ZBTB20: variants seen among roughly 807,000 people sequenced by gnomAD.
The protein encoded by ZBTB20 is zinc finger and BTB domain-containing protein 20.
A neutral mutation model predicts 56.9 loss-of-function variants in ZBTB20; 9 were observed. The ratio of observed to expected loss-of-function variants is 0.16; its 90% CI spans 0.10 to 0.28. The LOEUF is 0.28. Ranked by LOEUF, ZBTB20 falls within the 10% of genes least tolerant of loss-of-function variation. The probability of loss-of-function intolerance (pLI) is 1.00; values close to 1 mark genes in which losing one functional copy is unlikely to be tolerated. For synonymous variants in ZBTB20, 417 were observed against 420.7 expected (o/e 0.99, Z 0.11); for missense variants, 655 against 1,003.0 (o/e 0.65, Z 4.69).
chr3:114,766,427 T>G (rs2068793800), intron 5 of ZBTB20, among the ~76,000 whole-genome samples: 1 of 151,938 alleles, frequency 6.6e-6, no homozygotes, highest in Admixed American at 6.6e-5. Flanking sequence ...CTTAAATGCT[T>G]TTGCATGAAT....
rs1408084643 is a variant in ZBTB20 at position 114,352,025 on chromosome 3, G to C, written c.200-147C>G. 1.2e-5 allele frequency: 12 copies of C among 1,024,812 alleles called. No individual in the cohort carries two copies. In the Admixed American group the frequency reaches 2.3e-4, roughly 19 times the overall value. 63.5% of individuals were successfully genotyped at this position (1,024,812 alleles called of 1,614,324 possible). On this transcript the variant is annotated intron_variant, in intron 10 of 11. Transcript: ENST00000675478. Reference sequence around the variant, plus strand: ...GCAAGTGGGGAGATGGACAGGCTGCGGCATACAAGCTGTAGGTACGATGAC... The same window carrying C: ...GCAAGTGGGGAGATGGACAGGCTGCCGCATACAAGCTGTAGGTACGATGAC...
chr3:114,831,419 C>G (rs1034511889), intron 4 of ZBTB20, among the ~76,000 whole-genome samples: 1 of 151,838 alleles, frequency 6.6e-6, no homozygotes, highest in African/African-American at 2.4e-5. Context: ...ATGAGGACAA[C>G]AGTACCTAGT....
At chr3:114,847,465 G>A (rs2074769009) in intron 4 of ZBTB20, among the ~76,000 whole-genome samples, 1 of 152,034 alleles carries the variant, frequency 6.6e-6, no homozygotes, top group Non-Finnish European at 1.5e-5. Flanking sequence ...GATGAAGAGG[G>A]TTTATAGGAA....
chr3:114,420,370 G>T (rs1262946497), intron 7 of ZBTB20, among the ~76,000 whole-genome samples: 1 of 152,124 alleles, frequency 6.6e-6, no homozygotes, highest in East Asian at 1.9e-4. Context: ...AATCAGTGTT[G>T]CATTTTAAAG....
intron 7 of ZBTB20, among the ~76,000 whole-genome samples, chr3:114,494,851 T>G (rs1389442522): frequency 6.6e-6 from 1 of 152,242 alleles, no homozygotes; most frequent in Admixed American, 6.5e-5. Flanking sequence ...TTTTGTCTTA[T>G]TTTTCAATAG....
chr3:114,341,410 T>C (rs1330418549), intron 11 of ZBTB20, among the ~76,000 whole-genome samples: 1 of 152,212 alleles, frequency 6.6e-6, no homozygotes, highest in Non-Finnish European at 1.5e-5. Context: ...GAGGCTATGA[T>C]AGGCTGGCCA....
chr3:115,102,296 C>T (rs1046114525), intron 1 of ZBTB20, among the ~76,000 whole-genome samples: 2 of 152,204 alleles, frequency 1.3e-5, no homozygotes, highest in South Asian at 2.1e-4. Flanking sequence ...TGTAGAGAAA[C>T]TTTTCCAAAA....
intron 3 of ZBTB20, among the ~76,000 whole-genome samples, chr3:114,969,201 C>G (rs561018647): frequency 2.5e-4 from 38 of 152,242 alleles, no homozygotes; most frequent in African/African-American, 9.1e-4. Context: ...TGGCACAGAG[C>G]TAGCATTCCA....
chr3:114,461,925 G>C (rs1475449503), intron 7 of ZBTB20, among the ~76,000 whole-genome samples: 1 of 152,208 alleles, frequency 6.6e-6, no homozygotes. Flanking sequence ...CTCAGAGTGA[G>C]ATCACCTGCT....
At chr3:114,596,395 T>C (rs911365182) in intron 6 of ZBTB20, among the ~76,000 whole-genome samples, 38 of 152,200 alleles carry the variant, frequency 2.5e-4, no homozygotes, top group Admixed American at 1.3e-4. Flanking sequence ...TTCCTATTTT[T>C]ATACGTAATG....
At chr3:114,391,490 C>T (rs1284823843) in intron 7 of ZBTB20, among the ~76,000 whole-genome samples, 1 of 152,200 alleles carries the variant, frequency 6.6e-6, no homozygotes, top group African/African-American at 2.4e-5. Context: ...GAGTGCCCTT[C>T]TTAAATATTA....
At position 114,714,287 on chromosome 3, in the gene ZBTB20, T is replaced by C. The variant is rs955017986; in HGVS notation, c.-342-20712A>G. On this transcript the variant is annotated intron_variant, in intron 5 of 11. Transcript: ENST00000675478. ...AGAGAATTCTTCCATGAGATGAACA[T>C]GCTTCAGGGCAAAACCTTATTCTAA... Among the ~76,000 whole-genome samples the C allele has an allele frequency of 5.9e-5, 9 of 152,198 alleles. 1 individual carries two copies. The highest frequency in any genetic ancestry group is 6.5e-5 in the Admixed American group (1 of 15,278).
chr3:114,374,924 T>C (rs1043879673), intron 10 of ZBTB20, among the ~76,000 whole-genome samples: 3 of 152,212 alleles, frequency 2.0e-5, no homozygotes, highest in Admixed American at 6.5e-5. Context: ...AGCTTTCCGA[T>C]TGGAAACTTT....
intron 7 of ZBTB20, among the ~76,000 whole-genome samples, chr3:114,431,655 G>A (rs1003765512): frequency 6.6e-5 from 10 of 152,228 alleles, no homozygotes; most frequent in Admixed American, 1.3e-4. Flanking sequence ...CAGGAAGTGC[G>A]TCCACCAACA....
intron 3 of ZBTB20, among the ~76,000 whole-genome samples, chr3:114,910,346 T>C (rs970798436): frequency 8.7e-4 from 132 of 151,474 alleles, no homozygotes; most frequent in Middle Eastern, 3.4e-3. Flanking sequence ...CAGGCCCAAA[T>C]ATATTTAAAT....
intron 11 of ZBTB20, among the ~76,000 whole-genome samples, chr3:114,349,250 T>C (rs917949283): frequency 4.0e-5 from 6 of 151,454 alleles, no homozygotes; most frequent in Non-Finnish European, 7.4e-5. Flanking sequence ...ATCACTGTTA[T>C]AGGTATTCTT....
At chr3:115,105,378 T>A (rs2083691182) in intron 1 of ZBTB20, among the ~76,000 whole-genome samples, 2 of 152,190 alleles carry the variant, frequency 1.3e-5, no homozygotes, top group Admixed American at 1.3e-4. Flanking sequence ...AGCATAATAA[T>A]AATGATAGGA....
chr3:115,001,669 C>A lies in ZBTB20; in HGVS notation c.-506-27253G>T, dbSNP rs1339898211. ...CTAAAACCAAAAAATTAAATAAATT[C>A]TTCATATAAAATCTAACAAAATATG... On this transcript the variant is annotated intron_variant, in intron 2 of 11. Coordinates refer to ENST00000675478, the MANE Select transcript of ZBTB20 (RefSeq NM_001348800.3). Among the ~76,000 whole-genome samples, 10 of 151,116 alleles carry A rather than the reference C, an allele frequency of 6.6e-5. No individual in the cohort carries two copies. In the South Asian group the frequency reaches 1.5e-3, roughly 22 times the overall value.
chr3:114,970,117 T>C (rs1251289562), intron 3 of ZBTB20, among the ~76,000 whole-genome samples: 1 of 152,228 alleles, frequency 6.6e-6, no homozygotes, highest in Non-Finnish European at 1.5e-5. Flanking sequence ...GCTGGCCCTT[T>C]GTGTACTTAA....
Sources: gnomAD v4.1 joint callset for allele counts (sites outside exome capture counted in the v4.1 genomes callset) on GRCh38, gnomAD v4.1.1 for gene constraint, MANE v1.5 for transcripts, NCBI Gene and HGNC (gene_info 2026-07-23, HGNC 2026-07-21) for gene names.